Variants in TSPAN9 observed in about 807,000 individuals in gnomAD.
The protein encoded by TSPAN9 is tetraspanin 9, also known as tetraspanin-9.
TSPAN9 carries 16 observed loss-of-function variants against 31.0 expected under a neutral mutation model. The observed-to-expected ratio is 0.52, with a 90% CI of 0.35 to 0.78. TSPAN9 has a LOEUF of 0.78. Ranked by LOEUF, TSPAN9 falls within the 30% of genes least tolerant of loss-of-function variation. The pLI is 0.01. For missense variants in TSPAN9, 272 were observed against 312.5 expected, an observed-to-expected ratio of 0.87 and a Z score of 0.98; for synonymous variants, 145 against 121.6, an observed-to-expected ratio of 1.19 and a Z score of -1.27.
intron 2 of TSPAN9, among the ~76,000 whole-genome samples, chr12:3,123,022 G>T (rs2098325836): frequency 6.6e-6 from 1 of 152,122 alleles, no homozygotes; most frequent in Non-Finnish European, 1.5e-5. Context: ...CAGGATGCTA[G>T]GCCTCCCAAA....
At chr12:3,211,274 C>T (rs1415286671) in intron 3 of TSPAN9, among the ~76,000 whole-genome samples, 1 of 152,208 alleles carries the variant, frequency 6.6e-6, no homozygotes, top group Non-Finnish European at 1.5e-5. Flanking sequence ...CCTTTCCCCA[C>T]AGACCTGTAC....
In TSPAN9 at chr12:3,104,409, GT is replaced by G. The variant is rs2098313272; in HGVS notation, c.-18+20691del. On this transcript the variant is annotated intron_variant, in intron 2 of 8. Transcript: ENST00000011898. ...ACTCTGTCACCCAGGCTGGAGTCCGGTGGCATGATCATGGCTCACTGAAGCC... is the reference window on the plus strand; with the variant it reads ...ACTCTGTCACCCAGGCTGGAGTCCGGGGCATGATCATGGCTCACTGAAGCC... 2.0e-5 allele frequency among the ~76,000 whole-genome samples: 3 copies of G among 152,090 alleles called. No homozygotes were observed. In the South Asian group the frequency reaches 6.2e-4, roughly 32 times the overall value.
chr12:3,228,192 AT>A (rs2098388870), intron 3 of TSPAN9, among the ~76,000 whole-genome samples: 1 of 152,134 alleles, frequency 6.6e-6, no homozygotes, highest in African/African-American at 2.4e-5. Flanking sequence ...CTACAAAAAA[AT>A]ATAGAAAAAT....
intron 3 of TSPAN9, among the ~76,000 whole-genome samples, chr12:3,220,837 G>A (rs1369875135): frequency 6.6e-6 from 1 of 152,170 alleles, no homozygotes; most frequent in South Asian, 2.1e-4. Context: ...GGGTTCTTCC[G>A]TTCAGAGGAC....
intron 2 of TSPAN9, among the ~76,000 whole-genome samples, chr12:3,122,371 G>T (rs2098325529): frequency 6.6e-6 from 1 of 151,976 alleles, no homozygotes; most frequent in African/African-American, 2.4e-5. Context: ...CTGGTGTGCA[G>T]TAGCACAATC....
rs528820039 is a variant in TSPAN9, at chr12:3,248,834, G to A, written c.64-29587G>A. On this transcript the variant is annotated intron_variant, in intron 3 of 8. Transcript: ENST00000011898. ...CATCTTCCACTGGTCTTTCAAACTT[G>A]TTTCAACTTCTTGCTTCAAAAGTCC... Among the ~76,000 whole-genome samples, 31 of 152,214 alleles carry A rather than the reference G, an allele frequency of 2.0e-4. 2 individuals are homozygous for A. The highest frequency in any genetic ancestry group is 3.4e-3 in the Middle Eastern group (1 of 294).
chr12:3,100,230 G>A (rs1057343205), intron 2 of TSPAN9, among the ~76,000 whole-genome samples: 3 of 152,200 alleles, frequency 2.0e-5, no homozygotes, highest in African/African-American at 7.2e-5. Flanking sequence ...TTGCTTTCCA[G>A]TGGTTCTTTT....
intron 3 of TSPAN9, among the ~76,000 whole-genome samples, chr12:3,210,326 A>G (rs2098377956): frequency 6.6e-6 from 1 of 152,124 alleles, no homozygotes; most frequent in South Asian, 2.1e-4. Flanking sequence ...CCACCAGTGG[A>G]GAGTCAATGG....
chr12:3,149,115 A>G (rs2098338702), intron 2 of TSPAN9, among the ~76,000 whole-genome samples: 1 of 152,194 alleles, frequency 6.6e-6, no homozygotes. Context: ...TTCTTCCTTC[A>G]TCTACATCTA....
At chr12:3,179,849 A>T (rs947374606) in intron 2 of TSPAN9, among the ~76,000 whole-genome samples, 1 of 152,200 alleles carries the variant, frequency 6.6e-6, no homozygotes, top group African/African-American at 2.4e-5. Context: ...TGACGGACTC[A>T]GAACACATTT....
chr12:3,206,914 G>T (rs1257071496), intron 3 of TSPAN9, among the ~76,000 whole-genome samples: 1 of 152,226 alleles, frequency 6.6e-6, no homozygotes, highest in Non-Finnish European at 1.5e-5. Flanking sequence ...GATCAGACTA[G>T]AGGGTCCAGG....
At chr12:3,243,619 G>A (rs2098397785) in intron 3 of TSPAN9, among the ~76,000 whole-genome samples, 1 of 152,178 alleles carries the variant, frequency 6.6e-6, no homozygotes, top group Admixed American at 6.5e-5. Context: ...GACCGATGAG[G>A]TGGAGAAGCA....
At chr12:3,136,316 G>A (rs114752524) in intron 2 of TSPAN9, among the ~76,000 whole-genome samples, 57 of 152,268 alleles carry the variant, frequency 3.7e-4, no homozygotes, top group African/African-American at 1.3e-3. Context: ...CCAGAGTCCC[G>A]GGATAAGTCA....
At chr12:3,186,357 G>A (rs542064785) in intron 2 of TSPAN9, among the ~76,000 whole-genome samples, 5 of 152,158 alleles carry the variant, frequency 3.3e-5, no homozygotes, top group Non-Finnish European at 5.9e-5. Context: ...TGAATGGGGT[G>A]GTCAGGGAAG....
chr12:3,095,433 C>G lies in TSPAN9; in HGVS notation c.-18+11714C>G, dbSNP rs951752352. Reference sequence around the variant, plus strand: ...GGCCGGGCAGAGGGGCTCCTCACTTCCCAGTAGGGGCGGCCGGGCAGAGGC... The same window carrying G: ...GGCCGGGCAGAGGGGCTCCTCACTTGCCAGTAGGGGCGGCCGGGCAGAGGC... On this transcript the variant is annotated intron_variant, in intron 2 of 8. Coordinates refer to ENST00000011898, the MANE Select transcript of TSPAN9 (RefSeq NM_006675.5). Among the ~76,000 whole-genome samples, 21 of 149,112 alleles carry G rather than the reference C, an allele frequency of 1.4e-4. 1 individual carries two copies. In the East Asian group the frequency reaches 3.9e-3, roughly 27 times the overall value.
chr12:3,134,269 G>A (rs2098331088), intron 2 of TSPAN9, among the ~76,000 whole-genome samples: 1 of 152,208 alleles, frequency 6.6e-6, no homozygotes, highest in African/African-American at 2.4e-5. Flanking sequence ...GATGGGTTGA[G>A]ACTTTCTCCT....
At chr12:3,109,268 C>CTG (rs1226380985) in intron 2 of TSPAN9, among the ~76,000 whole-genome samples, 2,517 of 119,272 alleles carry the variant, frequency 0.021, 28 homozygotes, top group South Asian at 0.083. Flanking sequence ...TTCATATAGT[C>CTG]TGTGTGTGTG....
chr12:3,190,132 A>G (rs1488890717), intron 2 of TSPAN9, among the ~76,000 whole-genome samples: 1 of 152,158 alleles, frequency 6.6e-6, no homozygotes, highest in East Asian at 1.9e-4. Context: ...AGCCCCGTAG[A>G]GGGAGAGTGG....
At chr12:3,225,434 G>A (rs1353071316) in intron 3 of TSPAN9, among the ~76,000 whole-genome samples, 2 of 152,154 alleles carry the variant, frequency 1.3e-5, no homozygotes, top group East Asian at 1.9e-4. Flanking sequence ...GAGACTGAAG[G>A]CGCTTGGAGG....
Sources: allele counts gnomAD v4.1 joint callset (sites outside exome capture counted in the v4.1 genomes callset), GRCh38; gene constraint gnomAD v4.1.1; transcripts MANE v1.5; gene names NCBI Gene and HGNC (gene_info 2026-07-23, HGNC 2026-07-21).